PDE7A: variants seen among roughly 807,000 people sequenced by gnomAD.
PDE7A encodes phosphodiesterase 7A.
In PDE7A, 39 loss-of-function variants were observed where a neutral mutation model predicts 64.3. That is an observed-to-expected ratio of 0.61 (90% CI 0.47 to 0.79). The LOEUF is 0.79. Among genes scored for constraint, PDE7A ranks in the 30% least tolerant of loss-of-function variants. The probability of loss-of-function intolerance (pLI) is 0.00; values close to 1 mark genes in which losing one functional copy is unlikely to be tolerated. For synonymous variants in PDE7A, 203 were observed against 206.8 expected (o/e 0.98, Z 0.16); for missense variants, 470 against 582.8 (o/e 0.81, Z 1.99).
chr8:65,754,624 C>A (rs1033023152), intron 3 of PDE7A, among the ~76,000 whole-genome samples: 1 of 151,150 alleles, frequency 6.6e-6, no homozygotes, highest in East Asian at 2.0e-4. Flanking sequence ...GCTGAGCCAC[C>A]ATGCCCAGCC....
At position 65,724,873 on chromosome 8, in the gene PDE7A, G is replaced by A. The variant is rs1806544951; in HGVS notation, c.969C>T (p.Ile323=). Residue 323 remains isoleucine (I), a synonymous_variant, in exon 10 of 13, where the codon ATC becomes ATT. Coordinates refer to ENST00000401827, the MANE Select transcript of PDE7A (RefSeq NM_001242318.3). ...QIGALILATD[I]SRQNEYLSLF... ...AAGACAGATACTCATTCTGGCGACT[G>A]ATGTCTGTGGCTAGTATCAGAGCAC... The A allele has an allele frequency of 1.2e-6, 2 of 1,610,462 alleles. No individual in the cohort carries two copies. The highest frequency in any genetic ancestry group is 1.7e-6 in the Non-Finnish European group (2 of 1,177,134).
intron 3 of PDE7A, among the ~76,000 whole-genome samples, chr8:65,771,884 CAAAAAAAAA>C (rs36101490): frequency 9.0e-5 from 5 of 55,836 alleles, no homozygotes; most frequent in Non-Finnish European, 1.1e-4. Context: ...CTCCATCTCT[CAAAAAAAAA>C]AAAAAAAAAA....
intron 1 of PDE7A, among the ~76,000 whole-genome samples, chr8:65,785,737 G>C (rs1809535809): frequency 6.6e-6 from 1 of 152,160 alleles, no homozygotes. Context: ...CAATTTGATG[G>C]TGTCCAGTAA....
chr8:65,769,378 A>G (rs927369094), intron 3 of PDE7A, among the ~76,000 whole-genome samples: 6 of 152,216 alleles, frequency 3.9e-5, no homozygotes, highest in African/African-American at 1.4e-4. Flanking sequence ...TATTGATTAA[A>G]TCAGAATCAT....
intron 4 of PDE7A, among the ~76,000 whole-genome samples, chr8:65,745,999 C>T (rs74664403): frequency 0.05 from 7,647 of 152,184 alleles, 670 homozygotes; most frequent in African/African-American, 0.17. Context: ...ACAAACAAGA[C>T]GGCTCACTGC....
At chr8:65,839,308 C>T (rs915980283) in intron 1 of PDE7A, among the ~76,000 whole-genome samples, 1 of 149,436 alleles carries the variant, frequency 6.7e-6, no homozygotes, top group Non-Finnish European at 1.5e-5. Context: ...TTCAGGCTTA[C>T]GAACTAAAAA....
At chr8:65,760,093 A>T (rs1407233027) in intron 3 of PDE7A, among the ~76,000 whole-genome samples, 3 of 152,122 alleles carry the variant, frequency 2.0e-5, no homozygotes, top group Admixed American at 6.6e-5. Context: ...TGCAAAAATT[A>T]TCTGGGTGTG....
chr8:65,802,589 T>A (rs1245867307), intron 1 of PDE7A, among the ~76,000 whole-genome samples: 1 of 152,222 alleles, frequency 6.6e-6, no homozygotes, highest in Non-Finnish European at 1.5e-5. Context: ...AATGGGAAGG[T>A]ACTTGGACAG....
At chr8:65,817,670 G>A (rs933670695) in intron 1 of PDE7A, among the ~76,000 whole-genome samples, 1 of 151,750 alleles carries the variant, frequency 6.6e-6, no homozygotes, top group African/African-American at 2.4e-5. Context: ...GTTTTCTCAT[G>A]ATCGGACTCA....
At chr8:65,734,394 T>C (rs553901506) in intron 7 of PDE7A, among the ~76,000 whole-genome samples, 5 of 152,198 alleles carry the variant, frequency 3.3e-5, no homozygotes, top group Non-Finnish European at 7.4e-5. Context: ...TTCAGGCTTT[T>C]GGTCTTGATA....
At position 65,719,276 on chromosome 8, in the gene PDE7A, A is replaced by G. The variant is rs1563466920; in HGVS notation, c.*14T>C. ...AAACCTCCAGGAGGCAGTTTGTCCC[A>G]CTGGTTCTGGGGGTTATGATAACCG... is the stretch of plus-strand genomic sequence containing the variant. On this transcript the variant is annotated 3_prime_UTR_variant, in exon 13 of 13. Transcript: ENST00000401827. 1.3e-6 allele frequency: 2 copies of G among 1,594,406 alleles called. No individual in the cohort carries two copies. The highest frequency in any genetic ancestry group is 1.7e-6 in the Non-Finnish European group (2 of 1,162,070).
In PDE7A at chr8:65,715,952, G is replaced by A. The variant is rs1175571179; in HGVS notation, c.*3338C>T. Among the ~76,000 whole-genome samples the A allele has an allele frequency of 5.8e-5, 8 of 138,080 alleles. No individual in the cohort carries two copies. The highest frequency in any genetic ancestry group is 4.8e-4 in the South Asian group (2 of 4,196). The allele number at this position is 138,080 out of a possible 152,430, so 90.6% of individuals were successfully genotyped here. ...GCGGAACTTGCAGTGAGCCAATATC[G>A]CGGCACTGCACTCCAGCCTGGGCGA... On this transcript the variant is annotated 3_prime_UTR_variant, in exon 13 of 13. Transcript: ENST00000401827.
In PDE7A at chr8:65,716,753, ACT is replaced by A. The variant is rs930566564; in HGVS notation, c.*2535_*2536del. On this transcript the variant is annotated 3_prime_UTR_variant, in exon 13 of 13. Coordinates refer to ENST00000401827, the MANE Select transcript of PDE7A (RefSeq NM_001242318.3). ...AATGTGGGTTTGCCATGATAGTTCC[ACT>A]CTCTATGTACTGAAACAGTGGGCCT... Among the ~76,000 whole-genome samples the A allele has an allele frequency of 3.9e-5, 6 of 152,182 alleles. No homozygotes were observed. The highest frequency in any genetic ancestry group is 2.0e-4 in the Admixed American group (3 of 15,284).
At chr8:65,724,955 G>T in intron 9 of PDE7A, 34 bp from the exon 10 acceptor site, 1 of 1,424,044 alleles carries the variant, frequency 7.0e-7, no homozygotes, top group Non-Finnish European at 9.6e-7. Flanking sequence ...GAAAATATAA[G>T]ACTTTCAATT....
chr8:65,837,130 G>A (rs1458911587), intron 1 of PDE7A, among the ~76,000 whole-genome samples: 1 of 152,210 alleles, frequency 6.6e-6, no homozygotes, highest in African/African-American at 2.4e-5. Context: ...GCTTCCTGAA[G>A]GAGGAACCAA....
chr8:65,782,778 C>T lies in PDE7A; in HGVS notation c.199+5G>A, dbSNP rs751388907. ...TGATATTGGTATAAAATAAATAATG[C>T]TTACCTAGCATACGAATGTATAATG... On this transcript the variant is annotated splice_donor_5th_base_variant and intron_variant, in intron 2 of 12. Coordinates refer to ENST00000401827, the MANE Select transcript of PDE7A (RefSeq NM_001242318.3). 45 of 1,524,672 alleles carry T rather than the reference C, an allele frequency of 3.0e-5. No homozygotes were observed. The highest frequency in any genetic ancestry group is 4.1e-5 in the Non-Finnish European group (45 of 1,105,314). 94.4% of individuals were successfully genotyped at this position (1,524,672 alleles called of 1,614,324 possible). A position where few individuals can be genotyped will look rare whatever the true frequency, so the allele number is the denominator to read the frequency against.
intron 3 of PDE7A, among the ~76,000 whole-genome samples, chr8:65,756,772 C>CT (rs201045363): frequency 0.021 from 3,146 of 151,094 alleles, 33 homozygotes; most frequent in Admixed American, 0.023. Flanking sequence ...ATATCAAATT[C>CT]TTTTTTTTTC....
chr8:65,813,576 A>T (rs1419533154), intron 1 of PDE7A, among the ~76,000 whole-genome samples: 2 of 152,320 alleles, frequency 1.3e-5, no homozygotes, highest in East Asian at 3.9e-4. Flanking sequence ...TATAAAAACA[A>T]GTTTATTTTA....
intron 7 of PDE7A, among the ~76,000 whole-genome samples, chr8:65,732,278 C>T (rs1255625762): frequency 6.6e-6 from 1 of 152,098 alleles, no homozygotes; most frequent in African/African-American, 2.4e-5. Context: ...GGATTACAGG[C>T]GTGAGCCACC....
Sources: gnomAD v4.1 joint callset for allele counts (sites outside exome capture counted in the v4.1 genomes callset) on GRCh38, gnomAD v4.1.1 for gene constraint, MANE v1.5 for transcripts, NCBI Gene and HGNC (gene_info 2026-07-23, HGNC 2026-07-21) for gene names.